The following ZNF844 variants were observed in gnomAD, a reference collection of about 807,000 sequenced individuals.
ZNF844 encodes the protein zinc finger protein 844.
ZNF844 carries 11 observed loss-of-function variants against 11.4 expected under a neutral mutation model. The ratio of observed to expected loss-of-function variants is 0.97; its 90% CI spans 0.61 to 1.60. The LOEUF is 1.60. ZNF844 is among the 40% of genes most tolerant of loss of function. The pLI is 0.00. For missense variants in ZNF844, 790 were observed against 796.8 expected, an observed-to-expected ratio of 0.99 and a Z score of 0.10; for synonymous variants, 248 against 260.3, an observed-to-expected ratio of 0.95 and a Z score of 0.46.
Position 12,080,176 on chromosome 19 carries a change from G to A in ZNF844, c.*3055G>A, listed in dbSNP as rs567371407. The A allele has an allele frequency of 1.8e-4, 34 of 187,718 alleles. No homozygotes were observed. Among genetic ancestry groups the A allele is most frequent in the African/African-American group, 7.2e-4 (30 of 41,616 alleles). 11.6% of individuals were successfully genotyped at this position (187,718 alleles called of 1,614,324 possible). ...ATCCTGGCTGACACGGTGAAACCCC[G>A]TCTCTACTAAAAAATACAAAAAAAC... On this transcript the variant is annotated 3_prime_UTR_variant, in exon 4 of 4. Transcript: ENST00000439326.
Position 12,076,768 on chromosome 19 carries a change from A to T in ZNF844, c.1648A>T (p.Met550Leu). Residue 550 changes from methionine to leucine, a missense_variant, in exon 4 of 4, where the codon ATG becomes TTG. Transcript: ENST00000439326. ...PLDLSETFKF[M>L]KRHTLERNPI... ...GGATCTGTCAGAAACCTTCAAATTC[A>T]TGAAAAGACACACCCTGGAGAGAAA... 6.3e-7 allele frequency: 1 copy of T among 1,588,628 alleles called. No individual in the cohort carries two copies.
intron 1 of ZNF844, among the ~76,000 whole-genome samples, chr19:12,068,696 C>A (rs1358892352): frequency 6.6e-6 from 1 of 152,114 alleles, no homozygotes; most frequent in Non-Finnish European, 1.5e-5. Flanking sequence ...TATTGACTTC[C>A]ACAAATGTGT....
chr19:12,072,688 A>G (rs1332701174), intron 1 of ZNF844, among the ~76,000 whole-genome samples: 1 of 152,000 alleles, frequency 6.6e-6, no homozygotes, highest in Non-Finnish European at 1.5e-5. Context: ...GCTTCAAGCA[A>G]TTCTCTGGCC....
chr19:12,073,023 C>T (rs1186507676), intron 1 of ZNF844, among the ~76,000 whole-genome samples: 1 of 152,202 alleles, frequency 6.6e-6, no homozygotes, highest in Non-Finnish European at 1.5e-5. Flanking sequence ...GGTGTCCCCT[C>T]ATAGACAGAA....
chr19:12,072,896 TTTCTTTTTAGTTGAA>T (rs1975766490), intron 1 of ZNF844, among the ~76,000 whole-genome samples: 1 of 152,122 alleles, frequency 6.6e-6, no homozygotes, highest in South Asian at 2.1e-4. Context: ...TGATTTTTCT[TTTCTTTTTAGTTGAA>T]TGTAAGAATT....
In ZNF844 at chr19:12,077,518, A is replaced by G. The variant is rs1975844098; in HGVS notation, c.*397A>G. On this transcript the variant is annotated 3_prime_UTR_variant, in exon 4 of 4. Coordinates refer to ENST00000439326, the MANE Select transcript of ZNF844 (RefSeq NM_001136501.3). ...ATTTCTTCCGGTAGCCTTCGATATC[A>G]TGAAAGGACTCACACTGGAGAGAAA... The G allele has an allele frequency of 3.3e-6, 2 of 610,952 alleles. No homozygotes were observed. Among genetic ancestry groups the G allele is most frequent in the South Asian group, 1.4e-5 (1 of 73,334 alleles). The allele number at this position is 610,952 out of a possible 1,614,324, so 37.8% of individuals were successfully genotyped here.
In ZNF844 at chr19:12,080,594, G is replaced by C; in HGVS notation, c.*3473G>C. On this transcript the variant is annotated 3_prime_UTR_variant, in exon 4 of 4. Coordinates refer to ENST00000439326, the MANE Select transcript of ZNF844 (RefSeq NM_001136501.3). Reference sequence around the variant, plus strand: ...CCAATCAAGAATGTCCTCAAAATTTGCTCAGAGGTGTGGGCCTTTGGGTAA... The same window carrying C: ...CCAATCAAGAATGTCCTCAAAATTTCCTCAGAGGTGTGGGCCTTTGGGTAA... 1 of 172,628 alleles carries C rather than the reference G, an allele frequency of 5.8e-6. No homozygotes were observed. The highest frequency in any genetic ancestry group is 1.3e-5 in the Non-Finnish European group (1 of 79,748). The allele number at this position is 172,628 out of a possible 1,614,324, so 10.7% of individuals were successfully genotyped here. A position where few individuals can be genotyped will look rare whatever the true frequency, so the allele number is the denominator to read the frequency against.
chr19:12,066,552 T>TTTGTTG (rs1003765900), intron 1 of ZNF844, among the ~76,000 whole-genome samples: 9 of 134,766 alleles, frequency 6.7e-5, no homozygotes, highest in East Asian at 2.1e-4. Context: ...TTTTTTTTTT[T>TTTGTTG]TTGTTGTTGT....
intron 1 of ZNF844, among the ~76,000 whole-genome samples, 163 bp from the exon 2 acceptor site, chr19:12,073,868 A>G (rs1034971723): frequency 3.9e-5 from 6 of 152,220 alleles, no homozygotes; most frequent in African/African-American, 1.4e-4. Context: ...GAATTGCTTT[A>G]GAGAAGAAAG....
chr19:12,074,941 T>C (rs1256120014), intron 3 of ZNF844, among the ~76,000 whole-genome samples: 1 of 152,210 alleles, frequency 6.6e-6, no homozygotes, highest in Non-Finnish European at 1.5e-5. Context: ...TTTTTAAACA[T>C]ATGATTTTTA....
intron 1 of ZNF844, among the ~76,000 whole-genome samples, chr19:12,071,582 A>T (rs773649553): frequency 4.6e-5 from 7 of 152,098 alleles, no homozygotes; most frequent in Non-Finnish European, 8.8e-5. Context: ...CATTATATAA[A>T]TCCTTGTGCC....
Position 12,080,545 on chromosome 19 carries a change from A to AT in ZNF844, c.*3430dup, listed in dbSNP as rs1345146995. ...CAGGCTGACTCCCTGCTCCCAGCCC[A>AT]TTTTTTCCTGAATCTTTGGCTTGCC... On this transcript the variant is annotated 3_prime_UTR_variant, in exon 4 of 4. Coordinates refer to ENST00000439326, the MANE Select transcript of ZNF844 (RefSeq NM_001136501.3). The AT allele has an allele frequency of 1.7e-5, 3 of 174,480 alleles. No homozygotes were observed. The highest frequency in any genetic ancestry group is 3.7e-5 in the Non-Finnish European group (3 of 80,684). The allele number at this position is 174,480 out of a possible 1,614,324, so 10.8% of individuals were successfully genotyped here. A position where few individuals can be genotyped will look rare whatever the true frequency, so the allele number is the denominator to read the frequency against.
At chr19:12,069,949 G>C (rs1204067667) in intron 1 of ZNF844, among the ~76,000 whole-genome samples, 1 of 114,772 alleles carries the variant, frequency 8.7e-6, no homozygotes, top group Non-Finnish European at 1.7e-5. Context: ...GTGAGACTCC[G>C]TCTCAAAAAA....
chr19:12,076,453 A>G lies in ZNF844; in HGVS notation c.1333A>G (p.Arg445Gly), dbSNP rs371642144. The G allele has an allele frequency of 1.7e-5, 27 of 1,613,776 alleles. No individual in the cohort carries two copies. Among genetic ancestry groups the G allele is most frequent in the Non-Finnish European group, 2.3e-5 (27 of 1,179,954 alleles). ...FDIMKGLTLE[R>G]NRMSVSNVGK... Reference sequence around the variant, plus strand: ...TATCATGAAAGGACTCACACTGGAGAGAAACCGTATGAGTGTAAGCAATGT... The same window carrying G: ...TATCATGAAAGGACTCACACTGGAGGGAAACCGTATGAGTGTAAGCAATGT... The change falls in exon 4 of 4, where the codon AGA becomes GGA. Residue 445 changes from arginine to glycine, a missense_variant. Physicochemically the swap from Arg to Gly is moderately radical, Grantham distance 125. Transcript: ENST00000439326.
Position 12,076,097 on chromosome 19 carries a change from G to C in ZNF844, c.977G>C (p.Arg326Thr), listed in dbSNP as rs370862993. Residue 326 changes from arginine (R) to threonine (T), a missense_variant, in exon 4 of 4, where the codon AGA (arginine) becomes ACA (threonine). By Grantham distance (71) the Arg-to-Thr change is moderately conservative. Transcript: ENST00000439326. Reference protein sequence around the residue: ...KAFKCPSYLCRHEVTHSGKKP... With the variant: ...KAFKCPSYLCTHEVTHSGKKP... The stretch of plus-strand genomic sequence containing the variant: ...TTCAAGTGTCCCAGTTATCTTTGTA[G>C]ACATGAAGTGACCCACTCTGGGAAA... The C allele has an allele frequency of 6.4e-7, 1 of 1,566,330 alleles. No individual in the cohort carries two copies. The highest frequency in any genetic ancestry group is 8.7e-7 in the Non-Finnish European group (1 of 1,154,700).
intron 1 of ZNF844, among the ~76,000 whole-genome samples, chr19:12,069,550 C>T (rs1975730410): frequency 6.6e-6 from 1 of 151,022 alleles, no homozygotes; most frequent in South Asian, 2.1e-4. Context: ...GATCTGTAAG[C>T]ATCTCAAAGT....
Position 12,075,710 on chromosome 19 carries a change from A to G in ZNF844, c.590A>G (p.Tyr197Cys), listed in dbSNP as rs978944232. The change falls in exon 4 of 4, where the codon TAT becomes TGT. Residue 197 changes from tyrosine to cysteine, a missense_variant. Around this residue, in one of 3 missense-constraint regions of ZNF844, gnomAD observed 657 missense variants for 636.2 expected, o/e 1.03. Transcript: ENST00000439326. Reference sequence around the variant, plus strand: ...ATAATGCACAATGGAGATGGAACTTATAAATGTAAGTTTTGTGGGAAAGCC... The same window carrying G: ...ATAATGCACAATGGAGATGGAACTTGTAAATGTAAGTTTTGTGGGAAAGCC... ...HMIMHNGDGT[Y>C]KCKFCGKACP... 1.9e-6 allele frequency: 3 copies of G among 1,613,768 alleles called. No homozygotes were observed. The highest frequency in any genetic ancestry group is 1.7e-5 in the Admixed American group (1 of 59,928).
At chr19:12,073,700 T>C (rs1039613895) in intron 1 of ZNF844, among the ~76,000 whole-genome samples, 2 of 152,016 alleles carry the variant, frequency 1.3e-5, no homozygotes, top group Non-Finnish European at 2.9e-5. Context: ...TTTCTGCAGG[T>C]GAATTTAGAG....
chr19:12,076,032 TGAG>T lies in ZNF844; in HGVS notation c.916_918del (p.Glu306del), dbSNP rs1975810127. On this transcript the variant is annotated inframe_deletion, in exon 4 of 4. Transcript: ENST00000439326. ...TTCAAATACATGAAAGAACTCACAG[TGAG>T]GAGAAGGCTTATGAATGTACCAAAT... 1 of 1,568,606 alleles carries T rather than the reference TGAG, an allele frequency of 6.4e-7. No individual in the cohort carries two copies. The highest frequency in any genetic ancestry group is 1.4e-5 in the African/African-American group (1 of 73,296).
Sources: gnomAD v4.1 joint callset for allele counts (sites outside exome capture counted in the v4.1 genomes callset) on GRCh38, gnomAD v4.1.1 for gene constraint, gnomAD v4.1.1 regional missense constraint, MANE v1.5 for transcripts, NCBI Gene and HGNC (gene_info 2026-07-23, HGNC 2026-07-21) for gene names.